Variants in RESF1 observed in about 807,000 individuals in gnomAD.
RESF1 encodes the protein retroelement silencing factor 1.
Under a neutral mutation model 134.7 loss-of-function variants are expected in RESF1, and 65 were observed. The observed-to-expected ratio is 0.48, with a 90% CI of 0.40 to 0.59. The LOEUF is 0.59. Ranked by LOEUF, RESF1 falls within the 20% of genes least tolerant of loss-of-function variation. The pLI is 0.00. For synonymous variants in RESF1, 762 were observed against 702.2 expected (o/e 1.09, Z -1.35); for missense variants, 2,274 against 2,002.7 (o/e 1.14, Z -2.59).
In RESF1 at chr12:31,964,267, T is replaced by G. The variant is rs182243952; in HGVS notation, c.-247+3396T>G. ...ATTAAGCCTAGTACCCAATTAGTTG[T>G]TTTTTTTTCAAATCCTCTCCCTCCT... On this transcript the variant is annotated intron_variant, in intron 2 of 5. Transcript: ENST00000312561. Among the ~76,000 whole-genome samples the G allele has an allele frequency of 8.5e-3, 419 of 49,344 alleles. 1 individual carries two copies. The highest frequency in any genetic ancestry group is 0.031 in the African/African-American group (388 of 12,320). 32.4% of individuals were successfully genotyped at this position (49,344 alleles called of 152,430 possible).
At chr12:31,974,475 TTC>T in intron 3 of RESF1, among the ~76,000 whole-genome samples, 1 of 152,072 alleles carries the variant, frequency 6.6e-6, no homozygotes, top group East Asian at 1.9e-4. Flanking sequence ...CTCTTGAAGC[TTC>T]TCTCTCAGTG....
At chr12:31,972,782 C>G (rs947563587) in intron 3 of RESF1, among the ~76,000 whole-genome samples, 1 of 152,136 alleles carries the variant, frequency 6.6e-6, no homozygotes, top group Non-Finnish European at 1.5e-5. Context: ...ACCCACACAT[C>G]TGGTGTCAGA....
In RESF1 at chr12:31,981,393, A is replaced by ACCCAATATG; in HGVS notation, c.441_449dup (p.Asn148_Pro150dup). On this transcript the variant is annotated inframe_insertion, in exon 4 of 6. Coordinates refer to ENST00000312561, the MANE Select transcript of RESF1 (RefSeq NM_018169.4). Reference sequence around the variant, plus strand: ...ATCAAACTGATTTTGGAGCTAACGTACCCAATATGCCGGCACTACAGAGTC... The same window carrying ACCCAATATG: ...ATCAAACTGATTTTGGAGCTAACGTACCCAATATGCCCAATATGCCGGCACTACAGAGTC... 3 of 1,613,930 alleles carry ACCCAATATG rather than the reference A, an allele frequency of 1.9e-6. No individual in the cohort carries two copies. The highest frequency in any genetic ancestry group is 2.5e-6 in the Non-Finnish European group (3 of 1,179,942).
chr12:31,964,885 G>A (rs1939363562), intron 2 of RESF1, among the ~76,000 whole-genome samples: 1 of 152,140 alleles, frequency 6.6e-6, no homozygotes, highest in South Asian at 2.1e-4. Flanking sequence ...TTACTCCTGG[G>A]TTCTAGGTTC....
At chr12:31,971,912 G>A (rs946517051) in intron 3 of RESF1, among the ~76,000 whole-genome samples, 10 of 152,180 alleles carry the variant, frequency 6.6e-5, no homozygotes, top group African/African-American at 2.4e-4. Context: ...CACCTTTGAA[G>A]GTGCACCTGG....
Position 31,985,280 on chromosome 12 carries a change from G to A in RESF1, c.4325G>A (p.Arg1442Lys), listed in dbSNP as rs1330465984. 1.2e-6 allele frequency: 2 copies of A among 1,612,272 alleles called. No homozygotes were observed. The highest frequency in any genetic ancestry group is 2.2e-5 in the South Asian group (2 of 90,450). Residue 1442 changes from arginine (R) to lysine (K), a missense_variant, in exon 4 of 6, where the codon AGA (arginine) becomes AAA (lysine). Physicochemically the swap from Arg to Lys is conservative, Grantham distance 26 (BLOSUM62 2). Coordinates refer to ENST00000312561, the MANE Select transcript of RESF1 (RefSeq NM_018169.4). ...AAAGCGAGTTCATCTAAATTTAGTAGAATTCTAACTCCTAAGGAGTATTTA... is the reference window on the plus strand; with the variant it reads ...AAAGCGAGTTCATCTAAATTTAGTAAAATTCTAACTCCTAAGGAGTATTTA... ...DTKASSSKFS[R>K]ILTPKEYLQR...
chr12:31,974,994 G>C (rs1565840964), intron 3 of RESF1, among the ~76,000 whole-genome samples: 1 of 151,426 alleles, frequency 6.6e-6, no homozygotes, highest in Non-Finnish European at 1.5e-5. Context: ...GAAAATTGAG[G>C]TCAGGCATGG....
chr12:31,978,696 C>T (rs1204533868), intron 3 of RESF1, among the ~76,000 whole-genome samples: 1 of 147,734 alleles, frequency 6.8e-6, no homozygotes, highest in African/African-American at 2.5e-5. Flanking sequence ...CAGGTGCCCG[C>T]CACCACACCC....
Position 31,981,460 on chromosome 12 carries a change from A to G in RESF1, c.505A>G (p.Ile169Val). ...TACCTATTCTATGCAAATGCAGATGATCCCTTCTAATTCTACACGACTTCC... is the reference window on the plus strand; with the variant it reads ...TACCTATTCTATGCAAATGCAGATGGTCCCTTCTAATTCTACACGACTTCC... The part of the protein sequence containing the change: ...SDTYSMQMQM[I>V]PSNSTRLPVA... The change falls in exon 4 of 6, where the codon ATC becomes GTC. Residue 169 changes from isoleucine (I) to valine (V), a missense_variant. Ile to Val is a conservative substitution (Grantham distance 29). Transcript: ENST00000312561. The G allele has an allele frequency of 1.9e-6, 3 of 1,614,128 alleles. No homozygotes were observed. Among genetic ancestry groups the G allele is most frequent in the Non-Finnish European group, 1.7e-6 (2 of 1,180,024 alleles).
intron 2 of RESF1, among the ~76,000 whole-genome samples, chr12:31,966,097 A>G (rs1285606181): frequency 1.3e-5 from 2 of 152,162 alleles, no homozygotes; most frequent in East Asian, 3.9e-4. Context: ...CCACTTTGGA[A>G]GAAGAATTGT....
Position 31,982,973 on chromosome 12 carries a change from T to G in RESF1, c.2018T>G (p.Leu673Arg). 1 of 1,614,142 alleles carries G rather than the reference T, an allele frequency of 6.2e-7. No individual in the cohort carries two copies. The highest frequency in any genetic ancestry group is 8.5e-7 in the Non-Finnish European group (1 of 1,180,010). Reference protein sequence around the residue: ...KSDSSCSMEVLATCLSLWKKQ... With the variant: ...KSDSSCSMEVRATCLSLWKKQ... The stretch of plus-strand genomic sequence containing the variant: ...GACAGTAGCTGTTCCATGGAAGTGC[T>G]AGCAACCTGTCTTTCCCTGTGGAAA... The change falls in exon 4 of 6, where the codon CTA becomes CGA. Residue 673 changes from leucine (L) to arginine (R), a missense_variant. Transcript: ENST00000312561.
intron 5 of RESF1, among the ~76,000 whole-genome samples, chr12:31,989,268 C>T (rs1592267616): frequency 6.6e-6 from 1 of 151,126 alleles, no homozygotes. Context: ...TGGTGGCGGG[C>T]ACCTGTAGTC....
chr12:31,968,342 G>T (rs10844075), intron 2 of RESF1, among the ~76,000 whole-genome samples: 76,953 of 152,038 alleles, frequency 0.51, 19,744 homozygotes, highest in Middle Eastern at 0.59. Flanking sequence ...TTTAGGTACT[G>T]AAATGCTTAC....
rs1939873788 is a variant in RESF1, at chr12:31,983,721, G to A, written c.2766G>A (p.Glu922=). 1 of 1,613,684 alleles carries A rather than the reference G, an allele frequency of 6.2e-7. No homozygotes were observed. Among genetic ancestry groups the A allele is most frequent in the South Asian group, 1.1e-5 (1 of 91,094 alleles). ...IFSSLPLKMV[E]PQKPSLPNQQ... ...GCTCTCTTCCCTTGAAAATGGTTGA[G>A]CCACAGAAACCTTCTCTACCCAATC... Residue 922 remains glutamate, a synonymous_variant, in exon 4 of 6, where the codon GAG becomes GAA. Coordinates refer to ENST00000312561, the MANE Select transcript of RESF1 (RefSeq NM_018169.4).
chr12:31,980,485 A>G (rs1939755240), intron 3 of RESF1, among the ~76,000 whole-genome samples: 1 of 152,208 alleles, frequency 6.6e-6, no homozygotes, highest in Middle Eastern at 3.2e-3. Context: ...GCGAATGAAC[A>G]ATGAGAATGT....
rs1939476924 is a variant in RESF1, at chr12:31,970,273, C to T, written c.-162C>T. On this transcript the variant is annotated 5_prime_UTR_variant, in exon 3 of 6. Coordinates refer to ENST00000312561, the MANE Select transcript of RESF1 (RefSeq NM_018169.4). Reference sequence around the variant, plus strand: ...GAATACTTGGACTATTGGATTCAATCCATAGTAATCTGCAAAAGAAGAGAA... The same window carrying T: ...GAATACTTGGACTATTGGATTCAATTCATAGTAATCTGCAAAAGAAGAGAA... 1 of 152,168 alleles carries T rather than the reference C, an allele frequency of 6.6e-6. No individual in the cohort carries two copies. The highest frequency in any genetic ancestry group is 2.4e-5 in the African/African-American group (1 of 41,454). The allele number at this position is 152,168 out of a possible 1,614,324, so 9.4% of individuals were successfully genotyped here. A position where few individuals can be genotyped will look rare whatever the true frequency, so the allele number is the denominator to read the frequency against.
chr12:31,963,033 C>T (rs1939314480), intron 2 of RESF1, among the ~76,000 whole-genome samples: 1 of 151,746 alleles, frequency 6.6e-6, no homozygotes, highest in Non-Finnish European at 1.5e-5. Context: ...CGCCACTGTA[C>T]CCTAGCTCGG....
intron 2 of RESF1, among the ~76,000 whole-genome samples, chr12:31,963,342 CAA>C (rs35032861): frequency 3.3e-4 from 41 of 123,286 alleles, no homozygotes; most frequent in Admixed American, 5.9e-4. Context: ...GAGACTGTCT[CAA>C]AAAAAAAAAA....
intron 3 of RESF1, among the ~76,000 whole-genome samples, chr12:31,976,088 G>A (rs1372194959): frequency 6.6e-6 from 1 of 152,138 alleles, no homozygotes; most frequent in Non-Finnish European, 1.5e-5. Flanking sequence ...TTGCCAACAT[G>A]TGGTATTGAG....
Sources: allele counts gnomAD v4.1 joint callset (sites outside exome capture counted in the v4.1 genomes callset), GRCh38; gene constraint gnomAD v4.1.1; transcripts MANE v1.5; gene names NCBI Gene and HGNC (gene_info 2026-07-23, HGNC 2026-07-21).